Variants in DLGAP2 observed in about 807,000 individuals in gnomAD.
The protein encoded by DLGAP2 is DLG associated protein 2.
Under a neutral mutation model 100.3 loss-of-function variants are expected in DLGAP2, and 26 were observed. That is an observed-to-expected ratio of 0.26 (90% CI 0.19 to 0.36). The LOEUF (loss-of-function observed/expected upper bound fraction) is 0.36. DLGAP2 is among the 10% of genes least tolerant of loss of function. The pLI is 1.00. For synonymous variants in DLGAP2, 886 were observed against 630.1 expected (o/e 1.41, Z -6.08); for missense variants, 1,858 against 1,453.2 (o/e 1.28, Z -4.53).
chr8:1,241,170 C>CAT (rs1798785364), intron 2 of DLGAP2, among the ~76,000 whole-genome samples: 1 of 141,082 alleles, frequency 7.1e-6, no homozygotes, highest in African/African-American at 2.7e-5. Flanking sequence ...AGTTCTCTCA[C>CAT]GTGGCGCCGT....
intron 1 of DLGAP2, among the ~76,000 whole-genome samples, chr8:869,114 C>G (rs909730311): frequency 2.0e-5 from 3 of 152,154 alleles, no homozygotes; most frequent in Non-Finnish European, 2.9e-5. Context: ...CTCCTCGAGA[C>G]CCTGCTTCAC....
At chr8:1,600,996 A>T (rs1469363905) in intron 6 of DLGAP2, among the ~76,000 whole-genome samples, 1 of 152,146 alleles carries the variant, frequency 6.6e-6, no homozygotes, top group Non-Finnish European at 1.5e-5. Flanking sequence ...GTTTTTCCTC[A>T]TCTTCATGGA....
intron 3 of DLGAP2, among the ~76,000 whole-genome samples, chr8:1,447,297 G>GC (rs565208966): frequency 1.6e-4 from 24 of 152,288 alleles, no homozygotes; most frequent in Admixed American, 2.6e-4. Flanking sequence ...TTAGCATGAA[G>GC]GTTGTTGAAT....
chr8:1,063,693 T>TGTTA (rs1803157971), intron 2 of DLGAP2, among the ~76,000 whole-genome samples: 1 of 152,126 alleles, frequency 6.6e-6, no homozygotes, highest in African/African-American at 2.4e-5. Flanking sequence ...GACCAAAATA[T>TGTTA]CTTACATTAA....
chr8:1,570,475 T>G (rs556613559), intron 6 of DLGAP2, among the ~76,000 whole-genome samples: 2 of 152,372 alleles, frequency 1.3e-5, no homozygotes, highest in South Asian at 4.1e-4. Flanking sequence ...CTAATCCAAT[T>G]CCTCATTTGT....
chr8:1,455,898 G>T (rs1798298253), intron 3 of DLGAP2, among the ~76,000 whole-genome samples: 1 of 152,202 alleles, frequency 6.6e-6, no homozygotes, highest in Non-Finnish European at 1.5e-5. Flanking sequence ...CTCGGCCTCT[G>T]CCCGGCACGA....
chr8:855,406 C>A (rs192676520), intron 1 of DLGAP2, among the ~76,000 whole-genome samples: 1 of 152,176 alleles, frequency 6.6e-6, no homozygotes, highest in Admixed American at 6.5e-5. Context: ...GCAGGAATGT[C>A]CGCTGAATGA....
intron 3 of DLGAP2, among the ~76,000 whole-genome samples, chr8:1,386,583 CAG>C (rs772478439): frequency 3.9e-5 from 6 of 152,196 alleles, no homozygotes; most frequent in Non-Finnish European, 7.3e-5. Context: ...GCCAGCCACA[CAG>C]AGTCTCTGAG....
In DLGAP2 at chr8:1,184,885, C is replaced by G. The variant is rs1797466265; in HGVS notation, c.74-73966C>G. 2.0e-5 allele frequency among the ~76,000 whole-genome samples: 3 copies of G among 152,206 alleles called. No individual in the cohort carries two copies. In the South Asian group the frequency reaches 6.2e-4, roughly 31 times the overall value. ...TTAAGGATCTCCAGGTTGGAGGGAG[C>G]TCACTGTGTTGCAAAGGTGACTCAC... On this transcript the variant is annotated intron_variant, in intron 2 of 14. Coordinates refer to ENST00000637795, the MANE Select transcript of DLGAP2 (RefSeq NM_001346810.2).
chr8:1,525,747 G>C (rs578006645), intron 4 of DLGAP2, among the ~76,000 whole-genome samples: 1 of 152,232 alleles, frequency 6.6e-6, no homozygotes, highest in Non-Finnish European at 1.5e-5. Context: ...CACCTGTGTG[G>C]TGTTGGGCAG....
chr8:1,330,298 A>C (rs1801120611), intron 3 of DLGAP2, among the ~76,000 whole-genome samples: 1 of 145,682 alleles, frequency 6.9e-6, no homozygotes, highest in Non-Finnish European at 1.5e-5. Context: ...GGGTGGGAGC[A>C]CTACTTCACA....
chr8:882,313 G>A (rs138881284), intron 1 of DLGAP2, among the ~76,000 whole-genome samples: 1,548 of 120,592 alleles, frequency 0.013, 1 homozygote, highest in Non-Finnish European at 0.018. Flanking sequence ...CCTCTCCTGC[G>A]GGCACCCGTG....
intron 2 of DLGAP2, among the ~76,000 whole-genome samples, chr8:1,226,923 G>C (rs569587083): frequency 6.6e-6 from 1 of 151,898 alleles, no homozygotes; most frequent in South Asian, 2.1e-4. Flanking sequence ...AAGTAGATTT[G>C]TGCAACAATT....
chr8:760,840 TG>T (rs1180814955), intron 1 of DLGAP2, among the ~76,000 whole-genome samples: 1 of 152,134 alleles, frequency 6.6e-6, no homozygotes, highest in Non-Finnish European at 1.5e-5. Flanking sequence ...CTCCTGTTGC[TG>T]GGGTTTGCTC....
chr8:1,292,561 T>C (rs1426247824), intron 3 of DLGAP2, among the ~76,000 whole-genome samples: 1 of 152,226 alleles, frequency 6.6e-6, no homozygotes, highest in Non-Finnish European at 1.5e-5. Context: ...TCTGTATATA[T>C]GTGGTATAAT....
At chr8:794,593 G>A (rs1023614330) in intron 1 of DLGAP2, among the ~76,000 whole-genome samples, 3 of 152,238 alleles carry the variant, frequency 2.0e-5, no homozygotes, top group Non-Finnish European at 2.9e-5. Context: ...GCTTAGGAAT[G>A]CCTTTAAGTG....
chr8:1,075,306 G>C (rs899879667), intron 2 of DLGAP2, among the ~76,000 whole-genome samples: 3 of 152,166 alleles, frequency 2.0e-5, no homozygotes, highest in African/African-American at 7.2e-5. Context: ...AGGATCCCTA[G>C]GAGAGCAGGC....
chr8:1,540,429 A>G (rs1229948382), intron 4 of DLGAP2, among the ~76,000 whole-genome samples: 2 of 152,232 alleles, frequency 1.3e-5, no homozygotes, highest in Non-Finnish European at 2.9e-5. Flanking sequence ...TGAGTCATTA[A>G]TGAAAGAGAG....
intron 2 of DLGAP2, among the ~76,000 whole-genome samples, chr8:1,017,619 C>A (rs1801501951): frequency 6.9e-6 from 1 of 144,386 alleles, no homozygotes; most frequent in African/African-American, 2.5e-5. Context: ...ACGGCGCCTC[C>A]ACTGTGTGTG....
Sources: gnomAD v4.1 joint callset for allele counts (sites outside exome capture counted in the v4.1 genomes callset) on GRCh38, gnomAD v4.1.1 for gene constraint, MANE v1.5 for transcripts, NCBI Gene and HGNC (gene_info 2026-07-23, HGNC 2026-07-21) for gene names.